EIF2AK4: variants seen among roughly 807,000 people sequenced by gnomAD.
EIF2AK4 encodes the protein eukaryotic translation initiation factor 2 alpha kinase 4.
A neutral mutation model predicts 211.1 loss-of-function variants in EIF2AK4; 139 were observed. The ratio of observed to expected loss-of-function variants is 0.66; its 90% CI spans 0.57 to 0.76. The LOEUF (loss-of-function observed/expected upper bound fraction) is 0.76, where lower values mean the gene tolerates loss of function less well. Ranked by LOEUF, EIF2AK4 falls within the 30% of genes least tolerant of loss-of-function variation. The probability of loss-of-function intolerance (pLI) is 0.00; values close to 1 mark genes in which losing one functional copy is unlikely to be tolerated. For synonymous variants in EIF2AK4, 710 were observed against 751.3 expected (o/e 0.94, Z 0.90); for missense variants, 1,664 against 2,043.8 (o/e 0.81, Z 3.58).
At chr15:39,990,149 C>A (rs921946216) in intron 15 of EIF2AK4, 124 bp from the exon 16 acceptor site, 1 of 829,996 alleles carries the variant, frequency 1.2e-6, no homozygotes, top group Non-Finnish European at 2.0e-6. Flanking sequence ...CAGCCTGGAC[C>A]AGGGTGGTCT....
chr15:40,017,045 C>G (rs1271774913), intron 28 of EIF2AK4, 63 bp from the exon 29 acceptor site: 22 of 1,577,012 alleles, frequency 1.4e-5, no homozygotes, highest in Non-Finnish European at 1.7e-5. Flanking sequence ...CCATTTTCAG[C>G]ATTATATTCC....
chr15:39,964,309 T>G (rs2034513254), intron 7 of EIF2AK4, among the ~76,000 whole-genome samples: 1 of 152,224 alleles, frequency 6.6e-6, no homozygotes, highest in African/African-American at 2.4e-5. Context: ...AAAATTTGTT[T>G]TCATTATGAA....
rs555991031 is a variant in EIF2AK4 at position 39,959,972 on chromosome 15, G to C, written c.744-1812G>C. Among the ~76,000 whole-genome samples the C allele has an allele frequency of 2.2e-4, 34 of 152,206 alleles. No individual in the cohort carries two copies. In the South Asian group the frequency reaches 7.1e-3, roughly 32 times the overall value. On this transcript the variant is annotated intron_variant, in intron 6 of 38. Coordinates refer to ENST00000263791, the MANE Select transcript of EIF2AK4 (RefSeq NM_001013703.4). Reference sequence around the variant, plus strand: ...AGGTCAGGAGATCGAGACCAGCCTGGCTAACACGGTGAAACCCTGTCTCTA... The same window carrying C: ...AGGTCAGGAGATCGAGACCAGCCTGCCTAACACGGTGAAACCCTGTCTCTA...
At chr15:39,962,478 A>T (rs1470195905) in intron 7 of EIF2AK4, among the ~76,000 whole-genome samples, 1 of 152,138 alleles carries the variant, frequency 6.6e-6, no homozygotes. Flanking sequence ...TGTTGTTGAG[A>T]CAGGGTGTTG....
At chr15:40,028,420 T>A (rs535164858) in intron 33 of EIF2AK4, among the ~76,000 whole-genome samples, 37 of 152,312 alleles carry the variant, frequency 2.4e-4, no homozygotes, top group African/African-American at 8.4e-4. Context: ...ATGATTTTGC[T>A]TCCCAGGGCA....
At position 40,001,173 on chromosome 15, in the gene EIF2AK4, G is replaced by A. The variant is rs374620776; in HGVS notation, c.3108G>A (p.Ser1036=). Residue 1036 remains serine, a synonymous_variant, in exon 21 of 39, where the codon TCG becomes TCA. Coordinates refer to ENST00000263791, the MANE Select transcript of EIF2AK4 (RefSeq NM_001013703.4). ...AYRTMMAQIF[S]QRISPAIDYT... is the part of the protein sequence containing the mutation. ...GCACCATGATGGCCCAGATCTTCTCGCAGCGCATCTCCCCTGCCATCGATT... is the reference window on the plus strand; with the variant it reads ...GCACCATGATGGCCCAGATCTTCTCACAGCGCATCTCCCCTGCCATCGATT... The A allele has an allele frequency of 2.0e-5, 33 of 1,613,994 alleles. No individual in the cohort carries two copies. The African/African-American group carries it at 2.3e-4, about 11-fold the overall frequency.
chr15:40,014,654 G>C lies in EIF2AK4; in HGVS notation c.3760-1848G>C, dbSNP rs562103770. 6.6e-5 allele frequency among the ~76,000 whole-genome samples: 10 copies of C among 152,346 alleles called. No homozygotes were observed. In the South Asian group the frequency reaches 1.7e-3, roughly 25 times the overall value. ...CTGTGATGGGAGGGCCTGCCATGAAGACCTCTGACATGCCCTGGAGACATT... is the reference window on the plus strand; with the variant it reads ...CTGTGATGGGAGGGCCTGCCATGAACACCTCTGACATGCCCTGGAGACATT... On this transcript the variant is annotated intron_variant, in intron 27 of 38. Coordinates refer to ENST00000263791, the MANE Select transcript of EIF2AK4 (RefSeq NM_001013703.4).
chr15:39,934,611 C>T (rs779917855), intron 1 of EIF2AK4, among the ~76,000 whole-genome samples: 1 of 152,214 alleles, frequency 6.6e-6, no homozygotes, highest in Non-Finnish European at 1.5e-5. Context: ...CTTCTTATTC[C>T]TGCCTACATC....
rs369500682 is a variant in EIF2AK4, at chr15:39,967,869, T to C, written c.1543T>C (p.Phe515Leu). ...PSDLPADFQD[F>L]LKKCVCLDDK... ...TGACTTACCAGCTGACTTTCAAGAT[T>C]TTCTAAAGAAGTGAGTATCACTGAG... The change falls in exon 9 of 39, where the codon TTT becomes CTT. Residue 515 changes from phenylalanine to leucine, a missense_variant. Phe to Leu is a conservative substitution (Grantham distance 22). This residue lies in a region of EIF2AK4 where 641 missense variants were observed against 729.6 expected (regional missense o/e 0.88). Coordinates refer to ENST00000263791, the MANE Select transcript of EIF2AK4 (RefSeq NM_001013703.4). 4 of 1,613,620 alleles carry C rather than the reference T, an allele frequency of 2.5e-6. No homozygotes were observed. In the African/African-American group the frequency reaches 5.3e-5, roughly 22 times the overall value.
At chr15:39,992,374 A>G in intron 17 of EIF2AK4, 145 bp downstream of exon 17, 1 of 613,032 alleles carries the variant, frequency 1.6e-6, no homozygotes, top group East Asian at 2.9e-5. Flanking sequence ...GAAACGTTTT[A>G]ATCTTTTTTT....
intron 19 of EIF2AK4, among the ~76,000 whole-genome samples, chr15:39,997,542 G>A (rs1373182710): frequency 6.6e-6 from 1 of 152,174 alleles, no homozygotes; most frequent in African/African-American, 2.4e-5. Flanking sequence ...ATATGAATAT[G>A]GTTATAACAA....
intron 3 of EIF2AK4, chr15:39,946,481 A>G: frequency 2.9e-6 from 2 of 679,698 alleles, no homozygotes; most frequent in Non-Finnish European, 5.4e-6. Context: ...TGCCTCTTAT[A>G]GATTAGGAGA....
chr15:39,965,730 A>G lies in EIF2AK4; in HGVS notation c.904A>G (p.Thr302Ala). Reference sequence around the variant, plus strand: ...AAAATTAGTCTACAATGCTTTGGAAACAGCCACTGGTGGCTTTGTCTTGTT... The same window carrying G: ...AAAATTAGTCTACAATGCTTTGGAAGCAGCCACTGGTGGCTTTGTCTTGTT... ...LGKLVYNALETATGGFVLLYE... is the reference protein window; with the variant it reads ...LGKLVYNALEAATGGFVLLYE... The change falls in exon 8 of 39, where the codon ACA becomes GCA. Residue 302 changes from threonine to alanine, a missense_variant. Coordinates refer to ENST00000263791, the MANE Select transcript of EIF2AK4 (RefSeq NM_001013703.4). 1 of 1,614,108 alleles carries G rather than the reference A, an allele frequency of 6.2e-7. No individual in the cohort carries two copies. The highest frequency in any genetic ancestry group is 8.5e-7 in the Non-Finnish European group (1 of 1,179,984).
chr15:39,961,705 C>A, intron 6 of EIF2AK4, 79 bp from the exon 7 acceptor site: 1 of 1,128,808 alleles, frequency 8.9e-7, no homozygotes, highest in Admixed American at 2.0e-5. Context: ...CTATGTTAAT[C>A]TATAACATTC....
At position 39,961,892 on chromosome 15, in the gene EIF2AK4, A is replaced by T; in HGVS notation, c.852A>T (p.Lys284Asn). 1 of 1,611,882 alleles carries T rather than the reference A, an allele frequency of 6.2e-7. No homozygotes were observed. Among genetic ancestry groups the T allele is most frequent in the East Asian group, 2.2e-5 (1 of 44,852 alleles). The change falls in exon 7 of 39, where the codon AAA (lysine) becomes AAT (asparagine). Residue 284 changes from lysine (K) to asparagine (N), a missense_variant. This residue lies in a region of EIF2AK4 where 641 missense variants were observed against 729.6 expected (regional missense o/e 0.88). Coordinates refer to ENST00000263791, the MANE Select transcript of EIF2AK4 (RefSeq NM_001013703.4). Reference sequence around the variant, plus strand: ...ATCAGCTCATGGTGCACAAAGGGAAATGTATTGGTGAGTAAACTAGCAAAA... The same window carrying T: ...ATCAGCTCATGGTGCACAAAGGGAATTGTATTGGTGAGTAAACTAGCAAAA... ...SPDQLMVHKGKCIGSDEQLGK... is the reference protein window; with the variant it reads ...SPDQLMVHKGNCIGSDEQLGK...
intron 7 of EIF2AK4, among the ~76,000 whole-genome samples, chr15:39,963,772 C>T (rs1331959011): frequency 2.6e-5 from 4 of 152,024 alleles, no homozygotes; most frequent in Non-Finnish European, 5.9e-5. Context: ...ATTCTTTTGT[C>T]CCTTTTATTA....
intron 30 of EIF2AK4, among the ~76,000 whole-genome samples, chr15:40,020,001 A>C (rs1436179894): frequency 6.6e-6 from 1 of 151,920 alleles, no homozygotes; most frequent in Non-Finnish European, 1.5e-5. Context: ...TCTACCAAAA[A>C]AATACAAAAA....
At chr15:40,028,581 T>C (rs2035497278) in intron 33 of EIF2AK4, among the ~76,000 whole-genome samples, 1 of 152,192 alleles carries the variant, frequency 6.6e-6, no homozygotes, top group African/African-American at 2.4e-5. Context: ...ATTTCAGTAG[T>C]ACCAAGATTG....
chr15:39,977,872 A>T lies in EIF2AK4; in HGVS notation c.2250-206A>T, dbSNP rs191372437. 215 of 358,820 alleles carry T rather than the reference A, an allele frequency of 6.0e-4. 1 individual carries two copies. The highest frequency in any genetic ancestry group is 4.2e-3 in the African/African-American group (201 of 47,898). 22.2% of individuals were successfully genotyped at this position (358,820 alleles called of 1,614,324 possible). A position where few individuals can be genotyped will look rare whatever the true frequency, so the allele number is the denominator to read the frequency against. On this transcript the variant is annotated intron_variant, in intron 12 of 38. Coordinates refer to ENST00000263791, the MANE Select transcript of EIF2AK4 (RefSeq NM_001013703.4). ...CTATTAAATTTTTTGAGGAAACTTA[A>T]TCTGGCTAATTTTTATTAAATCAAG... is the stretch of plus-strand genomic sequence containing the variant.
Sources: allele counts gnomAD v4.1 joint callset (sites outside exome capture counted in the v4.1 genomes callset), GRCh38; gene constraint gnomAD v4.1.1; regional missense constraint gnomAD v4.1.1; transcripts MANE v1.5; gene names NCBI Gene and HGNC (gene_info 2026-07-23, HGNC 2026-07-21).